TMEM232: variants seen among roughly 807,000 people sequenced by gnomAD.
TMEM232 encodes transmembrane protein 232.
TMEM232 carries 80 observed loss-of-function variants against 78.8 expected under a neutral mutation model. The observed-to-expected ratio is 1.01, with a 90% confidence interval of 0.85 to 1.22. TMEM232 has a LOEUF of 1.22. Among genes scored for constraint, TMEM232 ranks in the 50% most tolerant of loss-of-function variants. The probability of loss-of-function intolerance (pLI) is 0.00; values close to 1 mark genes in which losing one functional copy is unlikely to be tolerated. For missense variants in TMEM232, 881 were observed against 742.2 expected, an observed-to-expected ratio of 1.19 and a Z score of -2.17; for synonymous variants, 297 against 254.3, an observed-to-expected ratio of 1.17 and a Z score of -1.60.
intron 12 of TMEM232, among the ~76,000 whole-genome samples, chr5:110,451,796 T>C (rs17132153): frequency 0.034 from 5,169 of 152,152 alleles, 298 homozygotes; most frequent in African/African-American, 0.12. Flanking sequence ...TAGGTAGTTA[T>C]GAACATCACT....
At chr5:110,649,710 C>A (rs929014746) in intron 2 of TMEM232, among the ~76,000 whole-genome samples, 2 of 152,042 alleles carry the variant, frequency 1.3e-5, no homozygotes, top group African/African-American at 4.8e-5. Flanking sequence ...AGAATCTTTT[C>A]GAGTATGAAG....
chr5:110,492,421 CA>C (rs1157683467), intron 12 of TMEM232, among the ~76,000 whole-genome samples: 1 of 151,546 alleles, frequency 6.6e-6, no homozygotes, highest in Non-Finnish European at 1.5e-5. Context: ...CATAACGAAT[CA>C]AAAATTTTAA....
chr5:110,675,480 A>G (rs1399180797), intron 1 of TMEM232, among the ~76,000 whole-genome samples: 1 of 152,188 alleles, frequency 6.6e-6, no homozygotes, highest in Non-Finnish European at 1.5e-5. Context: ...AAATAACGAC[A>G]AAGACGAAAT....
intron 8 of TMEM232, among the ~76,000 whole-genome samples, chr5:110,617,675 G>T (rs1783111567): frequency 6.6e-6 from 1 of 151,976 alleles, no homozygotes; most frequent in South Asian, 2.1e-4. Flanking sequence ...TTTATTTTTG[G>T]CTGGGAGCAG....
chr5:110,406,041 T>C (rs1755777503), intron 2 of TMEM232, among the ~76,000 whole-genome samples: 1 of 151,816 alleles, frequency 6.6e-6, no homozygotes, highest in Admixed American at 6.6e-5. Context: ...AGAAACATTA[T>C]ATACAAAGAA....
intron 10 of TMEM232, among the ~76,000 whole-genome samples, chr5:110,579,621 T>G (rs554250366): frequency 2.6e-5 from 4 of 151,666 alleles, no homozygotes; most frequent in East Asian, 3.9e-4. Flanking sequence ...CAAAATAGAT[T>G]GTTGTATTTT....
At chr5:110,649,903 C>A (rs765516899) in intron 2 of TMEM232, among the ~76,000 whole-genome samples, 49 of 152,014 alleles carry the variant, frequency 3.2e-4, no homozygotes, top group Non-Finnish European at 6.2e-4. Flanking sequence ...TGACTTTGTC[C>A]TTTAACATAT....
intron 12 of TMEM232, among the ~76,000 whole-genome samples, chr5:110,496,187 C>T (rs1166061830): frequency 2.0e-5 from 3 of 151,764 alleles, no homozygotes; most frequent in South Asian, 2.1e-4. Flanking sequence ...AGAAGATTTT[C>T]GTTGTACATG....
At chr5:110,493,603 G>A (rs1180404624) in intron 12 of TMEM232, among the ~76,000 whole-genome samples, 1 of 152,000 alleles carries the variant, frequency 6.6e-6, no homozygotes, top group Non-Finnish European at 1.5e-5. Flanking sequence ...AATAAATGGT[G>A]TGTAAATATT....
intron 1 of TMEM232, among the ~76,000 whole-genome samples, chr5:110,722,686 T>G (rs1194833369): frequency 1.3e-5 from 2 of 152,108 alleles, no homozygotes; most frequent in African/African-American, 4.8e-5. Flanking sequence ...ATTTTATTGG[T>G]CATACAGAAG....
At chr5:110,410,877 A>G (rs536358074) in intron 2 of TMEM232, among the ~76,000 whole-genome samples, 54 of 152,198 alleles carry the variant, frequency 3.5e-4, no homozygotes, top group African/African-American at 1.2e-3. Context: ...TTTGGAGCCT[A>G]TGTTCTGTCT....
chr5:110,510,842 G>C (rs1239660599), intron 12 of TMEM232, among the ~76,000 whole-genome samples: 1 of 152,164 alleles, frequency 6.6e-6, no homozygotes, highest in African/African-American at 2.4e-5. Context: ...TTACACTGTT[G>C]GTGAGAGTGT....
intron 5 of TMEM232, among the ~76,000 whole-genome samples, chr5:110,632,886 T>C (rs140561289): frequency 1.3e-5 from 2 of 152,252 alleles, no homozygotes; most frequent in East Asian, 3.9e-4. Context: ...GATTTAGACA[T>C]CCAGATCGAG....
rs544336947 is a variant in TMEM232, at chr5:110,577,926, G to C, written c.1277-9301C>G. Among the ~76,000 whole-genome samples the C allele has an allele frequency of 2.0e-4, 31 of 151,936 alleles. No homozygotes were observed. In the South Asian group the frequency reaches 6.2e-3, roughly 31 times the overall value. On this transcript the variant is annotated intron_variant, in intron 10 of 13. Transcript: ENST00000455884. Reference sequence around the variant, plus strand: ...CAGGATACATAACTAATGGGTACTAGGCTTAGTGATAGTGACCTGGGTGAT... The same window carrying C: ...CAGGATACATAACTAATGGGTACTACGCTTAGTGATAGTGACCTGGGTGAT...
At chr5:110,639,722 G>A (rs1786396283) in intron 4 of TMEM232, among the ~76,000 whole-genome samples, 1 of 152,200 alleles carries the variant, frequency 6.6e-6, no homozygotes, top group Admixed American at 6.5e-5. Flanking sequence ...AAGTGAAAAG[G>A]AATTACCATA....
At chr5:110,428,169 C>T (rs772407644) in intron 12 of TMEM232, among the ~76,000 whole-genome samples, 41 of 151,770 alleles carry the variant, frequency 2.7e-4, no homozygotes, top group Non-Finnish European at 4.4e-4. Context: ...GGTAACAATC[C>T]TACTCTCTAT....
chr5:110,465,897 G>T (rs1474508686), intron 12 of TMEM232, among the ~76,000 whole-genome samples: 1 of 151,974 alleles, frequency 6.6e-6, no homozygotes, highest in East Asian at 1.9e-4. Context: ...GCTTCTTTCT[G>T]CTCTAGTAAT....
chr5:110,455,198 A>T (rs1760764349), intron 12 of TMEM232, among the ~76,000 whole-genome samples: 1 of 152,190 alleles, frequency 6.6e-6, no homozygotes, highest in Non-Finnish European at 1.5e-5. Flanking sequence ...CACAATGAAT[A>T]TAACAATTAA....
At chr5:110,631,836 A>G (rs1785170962) in intron 5 of TMEM232, among the ~76,000 whole-genome samples, 1 of 152,026 alleles carries the variant, frequency 6.6e-6, no homozygotes, top group Non-Finnish European at 1.5e-5. Flanking sequence ...TACTGCCACT[A>G]CCTACACCAT....
Sources: allele counts gnomAD v4.1 joint callset (sites outside exome capture counted in the v4.1 genomes callset), GRCh38; gene constraint gnomAD v4.1.1; transcripts MANE v1.5; gene names NCBI Gene and HGNC (gene_info 2026-07-23, HGNC 2026-07-21).